COXFA4: variants seen among roughly 807,000 people sequenced by gnomAD.
COXFA4 encodes the protein cytochrome c oxidase associated subunit FA4, also known as cytochrome c oxidase subunit FA4.
chr7:10,933,301 C>A, the COXFA4 span: 1 of 243,632 alleles, frequency 4.1e-6, no homozygotes, highest in South Asian at 5.9e-5. Flanking sequence ...GTGAAGTTAC[C>A]AACAGTCTAT....
chr7:10,938,833 G>A, the COXFA4 span: 9 of 1,613,564 alleles, frequency 5.6e-6, no homozygotes, highest in Non-Finnish European at 7.6e-6. Context: ...AACAATGCCA[G>A]ACGCAAGAGA....
At chr7:10,932,137 G>T in the COXFA4 span, 8 of 152,216 alleles carry the variant, frequency 5.3e-5, no homozygotes, top group Non-Finnish European at 1.2e-4. Context: ...TCTTCTCATA[G>T]CCTGTGGGAA....
the COXFA4 span, chr7:10,938,376 C>G: frequency 5.7e-6 from 3 of 523,046 alleles, no homozygotes; most frequent in African/African-American, 5.7e-5. Context: ...TTTTATCTGG[C>G]TTTCACAAAA....
the COXFA4 span, chr7:10,932,607 C>T: frequency 6.6e-6 from 1 of 152,184 alleles, no homozygotes; most frequent in Non-Finnish European, 1.5e-5. Flanking sequence ...TGATGACTTA[C>T]ACACACCTAT....
At chr7:10,936,003 C>A in the COXFA4 span, among the ~76,000 whole-genome samples, 1 of 152,132 alleles carries the variant, frequency 6.6e-6, no homozygotes, top group Non-Finnish European at 1.5e-5. Flanking sequence ...TGGCAGGTAT[C>A]ATTTCCTCCA....
At chr7:10,932,093 T>C in the COXFA4 span, 1 of 152,220 alleles carries the variant, frequency 6.6e-6, no homozygotes, top group African/African-American at 2.4e-5. Flanking sequence ...TGAAGCAATT[T>C]TGCCCACCAA....
chr7:10,937,881 C>T, the COXFA4 span: 4 of 573,250 alleles, frequency 7.0e-6, no homozygotes, highest in African/African-American at 1.9e-5. Flanking sequence ...ACTATTTTTC[C>T]TTCTTTTCTT....
At chr7:10,933,112 A>T in the COXFA4 span, 119 of 157,218 alleles carry the variant, frequency 7.6e-4, no homozygotes, top group Non-Finnish European at 1.1e-3. Context: ...AAAGCAACTT[A>T]TAACCTTGAA....
the COXFA4 span, chr7:10,938,306 G>A: frequency 1.6e-6 from 1 of 633,042 alleles, no homozygotes; most frequent in East Asian, 2.8e-5. Context: ...TCTATAATAA[G>A]CAATCTCATG....
chr7:10,936,655 T>C, the COXFA4 span, among the ~76,000 whole-genome samples: 2 of 152,326 alleles, frequency 1.3e-5, no homozygotes, highest in East Asian at 3.9e-4. Flanking sequence ...TATTTTCTTC[T>C]TGTAAGGAGA....
chr7:10,933,762 C>A, the COXFA4 span: 2 of 1,189,068 alleles, frequency 1.7e-6, no homozygotes, highest in African/African-American at 3.0e-5. Context: ...TTTTAGAATT[C>A]TTTGTATTTG....
chr7:10,937,412 A>G, the COXFA4 span, among the ~76,000 whole-genome samples: 1 of 151,912 alleles, frequency 6.6e-6, no homozygotes, highest in Non-Finnish European at 1.5e-5. Context: ...CCTCCCGAGC[A>G]GCTGTGATTA....
the COXFA4 span, chr7:10,938,624 G>A: frequency 1.8e-6 from 1 of 552,328 alleles, no homozygotes; most frequent in Admixed American, 3.0e-5. Flanking sequence ...GAGACTCAGA[G>A]AAATTAGATA....
chr7:10,939,189 G>C, the COXFA4 span: 3 of 326,238 alleles, frequency 9.2e-6, no homozygotes, highest in African/African-American at 2.1e-5. Flanking sequence ...AAAATGTATC[G>C]AGTCTTCTTC....
chr7:10,939,787 TCCGAGCAG>T, the COXFA4 span: 1 of 621,802 alleles, frequency 1.6e-6, no homozygotes, highest in Admixed American at 2.8e-5. Flanking sequence ...AGGTTTTTTT[TCCGAGCAG>T]TGTCCGTCTC....
chr7:10,937,653 G>C, the COXFA4 span, among the ~76,000 whole-genome samples: 1 of 152,094 alleles, frequency 6.6e-6, no homozygotes, highest in Non-Finnish European at 1.5e-5. Flanking sequence ...GGTTATGTTT[G>C]GGGAATCAAT....
chr7:10,935,636 A>G, the COXFA4 span, among the ~76,000 whole-genome samples: 1 of 152,104 alleles, frequency 6.6e-6, no homozygotes, highest in African/African-American at 2.4e-5. Context: ...CCTTTACAGG[A>G]GGGCTCACTC....
At chr7:10,933,338 G>C in the COXFA4 span, 1 of 332,758 alleles carries the variant, frequency 3.0e-6, no homozygotes, top group Non-Finnish European at 5.6e-6. Flanking sequence ...TTTTACTAAA[G>C]CAGCTTAAAG....
At chr7:10,937,800 T>C in the COXFA4 span, 1 of 371,484 alleles carries the variant, frequency 2.7e-6, no homozygotes, top group Non-Finnish European at 4.9e-6. Flanking sequence ...CAACAAGCTC[T>C]ATGTATAATG....
Sources: gnomAD v4.1 joint callset for allele counts (sites outside exome capture counted in the v4.1 genomes callset) on GRCh38, gnomAD v4.1.1 for gene constraint, MANE v1.5 for transcripts, NCBI Gene and HGNC (gene_info 2026-07-23, HGNC 2026-07-21) for gene names.